Variants in NPSR1 observed in about 807,000 individuals in gnomAD.
NPSR1 encodes the protein neuropeptide S receptor.
Under a neutral mutation model 46.9 loss-of-function variants are expected in NPSR1, and 48 were observed. That is an observed-to-expected ratio of 1.02 (90% CI 0.81 to 1.30). NPSR1 has a LOEUF of 1.30. Ranked by LOEUF, NPSR1 falls within the 50% of genes most tolerant of loss-of-function variation. The pLI is 0.00. For synonymous variants in NPSR1, 176 were observed against 168.1 expected (o/e 1.05, Z -0.36); for missense variants, 450 against 449.5 (o/e 1.00, Z -0.01).
At chr7:34,788,881 T>C (rs915262089) in intron 3 of NPSR1, among the ~76,000 whole-genome samples, 4 of 151,870 alleles carry the variant, frequency 2.6e-5, no homozygotes, top group Non-Finnish European at 4.4e-5. Flanking sequence ...CAAGGAACAT[T>C]CTCCAGGATA....
At chr7:34,730,907 T>C (rs1784388873) in intron 2 of NPSR1, among the ~76,000 whole-genome samples, 1 of 152,112 alleles carries the variant, frequency 6.6e-6, no homozygotes, top group African/African-American at 2.4e-5. Context: ...CTAATAAACA[T>C]TCACCAAAGG....
At chr7:34,769,182 T>C (rs1786566271) in intron 2 of NPSR1, among the ~76,000 whole-genome samples, 1 of 152,190 alleles carries the variant, frequency 6.6e-6, no homozygotes, top group African/African-American at 2.4e-5. Flanking sequence ...ATGATTTCAT[T>C]TTGTCTCCAC....
chr7:34,739,652 T>C (rs1289914697), intron 2 of NPSR1, among the ~76,000 whole-genome samples: 1 of 152,240 alleles, frequency 6.6e-6, no homozygotes, highest in African/African-American at 2.4e-5. Flanking sequence ...TCCTGAGAGC[T>C]GAGCTCTAGT....
intron 6 of NPSR1, among the ~76,000 whole-genome samples, chr7:34,842,557 C>G (rs751439837): frequency 1.2e-4 from 18 of 152,238 alleles, no homozygotes; most frequent in Middle Eastern, 3.2e-3. Flanking sequence ...AATCACTGCT[C>G]TAAATGTTCT....
At chr7:34,680,529 T>A (rs2609211) in intron 1 of NPSR1, among the ~76,000 whole-genome samples, 16,584 of 152,168 alleles carry the variant, frequency 0.11, 988 homozygotes, top group African/African-American at 0.15. Flanking sequence ...TGTCCCAGCA[T>A]TTCCATACCT....
intron 2 of NPSR1, among the ~76,000 whole-genome samples, chr7:34,738,461 A>G (rs1784785855): frequency 6.6e-6 from 1 of 152,206 alleles, no homozygotes; most frequent in East Asian, 1.9e-4. Context: ...AAAGCATTCA[A>G]TTTACTGACA....
At chr7:34,739,912 G>A (rs888747257) in intron 2 of NPSR1, among the ~76,000 whole-genome samples, 1 of 152,200 alleles carries the variant, frequency 6.6e-6, no homozygotes, top group Non-Finnish European at 1.5e-5. Flanking sequence ...TTTTAAGAGA[G>A]CATCAGCTGT....
intron 3 of NPSR1, among the ~76,000 whole-genome samples, chr7:34,779,310 G>C (rs890869859): frequency 4.6e-5 from 7 of 151,684 alleles, no homozygotes; most frequent in Non-Finnish European, 1.0e-4. Context: ...TTTCATAACT[G>C]GTATTAGGTT....
intron 8 of NPSR1, among the ~76,000 whole-genome samples, chr7:34,858,594 G>T (rs1791109359): frequency 6.6e-6 from 1 of 151,826 alleles, no homozygotes; most frequent in Non-Finnish European, 1.5e-5. Context: ...AAAGAAAGAG[G>T]TTTATTGGAC....
chr7:34,827,643 C>CGGGGGGGG, intron 5 of NPSR1, 41 bp downstream of exon 5: 1 of 405,056 alleles, frequency 2.5e-6, no homozygotes, highest in Admixed American at 3.3e-5. Context: ...GGGGGTGGGG[C>CGGGGGGGG]GGGGGGGGCT....
At chr7:34,790,733 A>C (rs147981386) in intron 3 of NPSR1, among the ~76,000 whole-genome samples, 22,445 of 112,344 alleles carry the variant, frequency 0.2, 2,986 homozygotes, top group South Asian at 0.32. Context: ...GTTATATGTT[A>C]TATGTTATAT....
chr7:34,723,979 C>G (rs951899608), intron 2 of NPSR1, among the ~76,000 whole-genome samples: 1 of 152,132 alleles, frequency 6.6e-6, no homozygotes, highest in Admixed American at 6.5e-5. Context: ...GAAAAATTAT[C>G]CATTTGGTTG....
chr7:34,774,805 G>A (rs1786870803), intron 2 of NPSR1, among the ~76,000 whole-genome samples: 1 of 152,110 alleles, frequency 6.6e-6, no homozygotes, highest in South Asian at 2.1e-4. Context: ...CTTGCTCCAG[G>A]CCCACTCAAA....
intron 4 of NPSR1, among the ~76,000 whole-genome samples, chr7:34,813,118 A>C (rs1468068115): frequency 6.6e-6 from 1 of 152,092 alleles, no homozygotes; most frequent in Non-Finnish European, 1.5e-5. Flanking sequence ...GCATGTATAC[A>C]TATGTGATGT....
intron 3 of NPSR1, among the ~76,000 whole-genome samples, chr7:34,786,760 T>C (rs1413808762): frequency 6.6e-6 from 1 of 152,168 alleles, no homozygotes; most frequent in African/African-American, 2.4e-5. Context: ...TGGGTAACAA[T>C]GTGCACTGTC....
intron 2 of NPSR1, among the ~76,000 whole-genome samples, chr7:34,765,393 A>G (rs185130103): frequency 9.4e-4 from 143 of 152,360 alleles, no homozygotes; most frequent in Non-Finnish European, 1.5e-3. Flanking sequence ...AGAAAAATAC[A>G]TTAAAAATAC....
At chr7:34,684,519 T>C (rs2128684350) in intron 1 of NPSR1, 33 bp from the exon 2 acceptor site, 1 of 1,609,594 alleles carries the variant, frequency 6.2e-7, no homozygotes, top group Non-Finnish European at 8.5e-7. Flanking sequence ...TTCTCACTGG[T>C]ACACTGGTTT....
Position 34,848,681 on chromosome 7 carries a change from A to G in NPSR1, c.1025+18A>G. 6.2e-7 allele frequency: 1 copy of G among 1,610,246 alleles called. No homozygotes were observed. Among genetic ancestry groups the G allele is most frequent in the South Asian group, 1.1e-5 (1 of 90,912 alleles). On this transcript the variant is annotated intron_variant, in intron 8 of 8. Transcript: ENST00000360581. ...CCCTGCAGGTAAGGGGAGCTCTTGC[A>G]TGGGTCAGACACACTGATGGCCATT...
chr7:34,733,213 A>G (rs1784510008), intron 2 of NPSR1, among the ~76,000 whole-genome samples: 1 of 152,158 alleles, frequency 6.6e-6, no homozygotes, highest in African/African-American at 2.4e-5. Flanking sequence ...CGAGGTCAGG[A>G]GTTCAAGACC....
Sources: allele counts gnomAD v4.1 joint callset (sites outside exome capture counted in the v4.1 genomes callset), GRCh38; gene constraint gnomAD v4.1.1; transcripts MANE v1.5; gene names NCBI Gene and HGNC (gene_info 2026-07-23, HGNC 2026-07-21).